Variants in CDR2 observed in about 807,000 individuals in gnomAD.
The protein encoded by CDR2 is cerebellar degeneration related protein 2.
In CDR2, 34 loss-of-function variants were observed where a neutral mutation model predicts 48.4. The observed-to-expected ratio is 0.70, with a 90% CI of 0.53 to 0.94. The LOEUF is 0.94. Among genes scored for constraint, CDR2 ranks in the 40% least tolerant of loss-of-function variants. CDR2 has a pLI of 0.00. For missense variants in CDR2, 498 were observed against 549.5 expected (o/e 0.91, Z 0.94); for synonymous variants, 240 against 219.7 (o/e 1.09, Z -0.82).
chr16:22,354,862 C>G (rs897149703), intron 2 of CDR2, among the ~76,000 whole-genome samples: 2 of 152,146 alleles, frequency 1.3e-5, no homozygotes, highest in Non-Finnish European at 2.9e-5. Flanking sequence ...CCATTGCACT[C>G]CAGCCTGGGC....
intron 2 of CDR2, among the ~76,000 whole-genome samples, chr16:22,353,326 G>C (rs1405470289): frequency 6.6e-6 from 1 of 152,188 alleles, no homozygotes; most frequent in Admixed American, 6.5e-5. Flanking sequence ...CAGTGGTATA[G>C]TAGCTAAGAG....
intron 1 of CDR2, among the ~76,000 whole-genome samples, chr16:22,373,456 T>C (rs577174682): frequency 3.3e-4 from 50 of 152,338 alleles, no homozygotes; most frequent in African/African-American, 1.2e-3. Flanking sequence ...GAGCAGTGAC[T>C]ACAACTCTTC....
chr16:22,350,433 A>G (rs2048934875), intron 2 of CDR2, among the ~76,000 whole-genome samples: 1 of 152,064 alleles, frequency 6.6e-6, no homozygotes, highest in South Asian at 2.1e-4. Flanking sequence ...CCTTCCCTCT[A>G]TCCAGAGGTT....
intron 1 of CDR2, among the ~76,000 whole-genome samples, chr16:22,371,231 A>G (rs2049073802): frequency 6.6e-6 from 1 of 152,154 alleles, no homozygotes; most frequent in Non-Finnish European, 1.5e-5. Flanking sequence ...AAAAGTTTTA[A>G]GCAGTTCTCT....
intron 2 of CDR2, among the ~76,000 whole-genome samples, chr16:22,362,489 A>G (rs1343641805): frequency 6.6e-6 from 1 of 152,234 alleles, no homozygotes; most frequent in Non-Finnish European, 1.5e-5. Flanking sequence ...CTTGAAAGAT[A>G]TGCTAAAATA....
intron 2 of CDR2, among the ~76,000 whole-genome samples, chr16:22,351,544 T>C (rs928415239): frequency 2.6e-5 from 4 of 152,190 alleles, no homozygotes; most frequent in African/African-American, 2.4e-5. Context: ...TCAATCTCTT[T>C]CTCTGAATGA....
intron 1 of CDR2, among the ~76,000 whole-genome samples, chr16:22,366,805 A>G (rs2049047490): frequency 6.6e-6 from 1 of 152,140 alleles, no homozygotes; most frequent in Admixed American, 6.5e-5. Context: ...GAATGGGACA[A>G]AGGTGGGAGC....
chr16:22,371,624 A>T (rs966276372), intron 1 of CDR2, among the ~76,000 whole-genome samples: 14 of 152,238 alleles, frequency 9.2e-5, no homozygotes, highest in African/African-American at 3.4e-4. Context: ...AGGAGTTAAC[A>T]TATAACTTAG....
intron 2 of CDR2, among the ~76,000 whole-genome samples, chr16:22,360,995 C>T (rs187705356): frequency 1.2e-4 from 18 of 151,960 alleles, no homozygotes; most frequent in Admixed American, 1.3e-4. Flanking sequence ...GTGATCCATC[C>T]GCCTCAGCCT....
chr16:22,350,458 G>C (rs918969537), intron 2 of CDR2, among the ~76,000 whole-genome samples: 1 of 152,186 alleles, frequency 6.6e-6, no homozygotes, highest in Non-Finnish European at 1.5e-5. Context: ...GGCTGGGACT[G>C]ATAGATCTAA....
intron 1 of CDR2, among the ~76,000 whole-genome samples, chr16:22,370,103 A>G (rs1424426914): frequency 6.6e-6 from 1 of 152,234 alleles, no homozygotes; most frequent in South Asian, 2.1e-4. Context: ...TGTTAGCTTT[A>G]AACAGATACT....
intron 1 of CDR2, among the ~76,000 whole-genome samples, chr16:22,370,307 T>G (rs1173360893): frequency 1.3e-5 from 2 of 151,950 alleles, no homozygotes; most frequent in African/African-American, 4.8e-5. Context: ...TCAAGAAAAA[T>G]GATGTTGTCA....
intron 1 of CDR2, 105 bp from the exon 2 acceptor site, chr16:22,365,119 T>C (rs1175383966): frequency 1.5e-5 from 11 of 734,052 alleles, no homozygotes; most frequent in Middle Eastern, 2.4e-4. Context: ...CACATCCCAA[T>C]GGAAGGTGGA....
intron 2 of CDR2, among the ~76,000 whole-genome samples, chr16:22,354,538 T>C (rs1271589241): frequency 6.6e-6 from 1 of 152,170 alleles, no homozygotes; most frequent in African/African-American, 2.4e-5. Context: ...AACTTCTCAG[T>C]CCAAACAAAT....
At chr16:22,365,551 C>T (rs1427779188) in intron 1 of CDR2, among the ~76,000 whole-genome samples, 3 of 152,214 alleles carry the variant, frequency 2.0e-5, no homozygotes, top group Admixed American at 6.5e-5. Context: ...CTCTACTTCT[C>T]TTCGTGTCCT....
chr16:22,370,430 A>G (rs769260647), intron 1 of CDR2, among the ~76,000 whole-genome samples: 27 of 152,218 alleles, frequency 1.8e-4, no homozygotes, highest in Non-Finnish European at 3.7e-4. Flanking sequence ...ACTGATCCAC[A>G]TAACAGAAAC....
intron 1 of CDR2, among the ~76,000 whole-genome samples, chr16:22,370,565 A>G (rs1360679448): frequency 1.3e-5 from 2 of 152,154 alleles, no homozygotes; most frequent in Non-Finnish European, 2.9e-5. Context: ...AAGCACCATC[A>G]TTACCTGCAC....
Position 22,347,114 on chromosome 16 carries a change from C to T in CDR2, c.1216G>A (p.Ala406Thr). The change falls in exon 5 of 5, where the codon GCC becomes ACC. Residue 406 changes from alanine to threonine, a missense_variant. Ala to Thr is a moderately conservative substitution (Grantham distance 58). Transcript: ENST00000268383. The stretch of plus-strand genomic sequence containing the variant: ...CTCACGGGCTCTGGGTTGACAGAGG[C>T]CAGTTCCCAGCCGCTGGCAACAGGC... ...SEPVASGWEL[A>T]SVNPEPVSSP... The T allele has an allele frequency of 6.2e-7, 1 of 1,614,210 alleles. No individual in the cohort carries two copies.
rs767217673 is a variant in CDR2 at position 22,364,995 on chromosome 16, C to T, written c.99G>A (p.Glu33=). The T allele has an allele frequency of 6.2e-7, 1 of 1,612,078 alleles. No individual in the cohort carries two copies. Among genetic ancestry groups the T allele is most frequent in the Non-Finnish European group, 8.5e-7 (1 of 1,178,184 alleles). Reference sequence around the variant, plus strand: ...TCCGATCCAGTAATGTCTTCCCAAGCTCAGCAGCAAGTTGAAGATCTAGCA... The same window carrying T: ...TCCGATCCAGTAATGTCTTCCCAAGTTCAGCAGCAAGTTGAAGATCTAGCA... ...DLQQDLQLAA[E]LGKTLLDRNT... is the part of the protein sequence containing the mutation. The change falls in exon 2 of 5, where the codon GAG becomes GAA. Residue 33 remains glutamate (E), a synonymous_variant. Transcript: ENST00000268383.
Sources: allele counts gnomAD v4.1 joint callset (sites outside exome capture counted in the v4.1 genomes callset), GRCh38; gene constraint gnomAD v4.1.1; transcripts MANE v1.5; gene names NCBI Gene and HGNC (gene_info 2026-07-23, HGNC 2026-07-21).